RYR2: variants seen among roughly 807,000 people sequenced by gnomAD.
RYR2 encodes ryanodine receptor 2.
Under a neutral mutation model 601.1 loss-of-function variants are expected in RYR2, and 227 were observed. The ratio of observed to expected loss-of-function variants is 0.38; its 90% CI spans 0.34 to 0.42. The LOEUF (loss-of-function observed/expected upper bound fraction) is 0.42, where lower values mean the gene tolerates loss of function less well. RYR2 is among the 10% of genes least tolerant of loss of function. The pLI is 1.00. For synonymous variants in RYR2, 2,223 were observed against 2,175.1 expected (o/e 1.02, Z -0.61); for missense variants, 4,646 against 6,156.5 (o/e 0.75, Z 8.21).
intron 1 of RYR2, among the ~76,000 whole-genome samples, chr1:237,250,405 C>T (rs1687328441): frequency 6.6e-6 from 1 of 152,140 alleles, no homozygotes; most frequent in Non-Finnish European, 1.5e-5. Context: ...CTCAGCCATT[C>T]TTCTTCTTCC....
intron 1 of RYR2, among the ~76,000 whole-genome samples, chr1:237,075,431 A>C: frequency 7.0e-6 from 1 of 141,884 alleles, no homozygotes; most frequent in East Asian, 2.2e-4. Flanking sequence ...ACCGTGCGCG[A>C]GCCGAAGCAG....
chr1:237,814,683 A>G (rs1661601781), intron 100 of RYR2, among the ~76,000 whole-genome samples: 1 of 152,098 alleles, frequency 6.6e-6, no homozygotes, highest in Non-Finnish European at 1.5e-5. Context: ...GTAAAGTCCA[A>G]GGTAGAAAGA....
At chr1:237,188,271 A>C (rs1264792755) in intron 1 of RYR2, among the ~76,000 whole-genome samples, 1 of 146,916 alleles carries the variant, frequency 6.8e-6, no homozygotes, top group Non-Finnish European at 1.5e-5. Context: ...TTTTTCACCT[A>C]TTCATTCTTG....
At chr1:237,826,570 C>A (rs1238652985) in intron 101 of RYR2, among the ~76,000 whole-genome samples, 1 of 152,062 alleles carries the variant, frequency 6.6e-6, no homozygotes, top group African/African-American at 2.4e-5. Flanking sequence ...ACAGCAAAAA[C>A]CACCATAGCA....
intron 1 of RYR2, among the ~76,000 whole-genome samples, chr1:237,210,579 C>T (rs576995261): frequency 6.6e-6 from 1 of 152,262 alleles, no homozygotes; most frequent in Non-Finnish European, 1.5e-5. Flanking sequence ...TCTGTCTCTG[C>T]CATTCCATTA....
intron 12 of RYR2, among the ~76,000 whole-genome samples, chr1:237,438,018 A>T (rs1371125919): frequency 1.8e-5 from 2 of 110,268 alleles, no homozygotes; most frequent in African/African-American, 3.0e-5. Flanking sequence ...TTTTAATGGC[A>T]ATCTGATCTA....
rs1685174300 is a variant in RYR2, at chr1:237,673,979, C to G, written c.8591-117C>G. 8.3e-6 allele frequency: 6 copies of G among 723,994 alleles called. No homozygotes were observed. The East Asian group carries it at 1.3e-4, about 15-fold the overall frequency. 44.8% of individuals were successfully genotyped at this position (723,994 alleles called of 1,614,324 possible). Reference sequence around the variant, plus strand: ...TAGAGGCAGAAGAGTCTTATATGCTCTATGTATTATTAAAGGATATGGAAA... The same window carrying G: ...TAGAGGCAGAAGAGTCTTATATGCTGTATGTATTATTAAAGGATATGGAAA... On this transcript the variant is annotated intron_variant, in intron 58 of 104. Coordinates refer to ENST00000366574, the MANE Select transcript of RYR2 (RefSeq NM_001035.3).
rs12062190 is a variant in RYR2, at chr1:237,223,996, A to G, written c.49-46501A>G. Among the ~76,000 whole-genome samples the G allele has an allele frequency of 1.8e-3, 281 of 152,296 alleles. 2 individuals are homozygous for G. The highest frequency in any genetic ancestry group is 6.5e-3 in the African/African-American group (270 of 41,558). ...TTCTTAGGGTTCTACTGTAGATGTG[A>G]ATTTAGAGAATGGAATCTAACTCAT... On this transcript the variant is annotated intron_variant, in intron 1 of 104. Transcript: ENST00000366574.
chr1:237,045,726 A>G (rs933687037), intron 1 of RYR2, among the ~76,000 whole-genome samples: 1 of 151,342 alleles, frequency 6.6e-6, no homozygotes, highest in Non-Finnish European at 1.5e-5. Context: ...ATGTAGCATC[A>G]AACTGTCATT....
rs2148550867 is a variant in RYR2 at position 237,106,301 on chromosome 1, C to T, written c.48+63732C>T. ...GCACCAGCTCCCGCTGGGCTGCAGACAGGCTCTGATGTGGCTTGCAGCACG... is the reference window on the plus strand; with the variant it reads ...GCACCAGCTCCCGCTGGGCTGCAGATAGGCTCTGATGTGGCTTGCAGCACG... On this transcript the variant is annotated intron_variant, in intron 1 of 104. Coordinates refer to ENST00000366574, the MANE Select transcript of RYR2 (RefSeq NM_001035.3). The surrounding 1 kb of genome is among the most constrained non-coding windows in gnomAD (Gnocchi z 4.4). 6.6e-6 allele frequency among the ~76,000 whole-genome samples: 1 copy of T among 152,326 alleles called. No homozygotes were observed. The highest frequency in any genetic ancestry group is 2.4e-5 in the African/African-American group (1 of 41,564).
At position 237,593,592 on chromosome 1, in the gene RYR2, A is replaced by G. The variant is rs1212639011; in HGVS notation, c.4392A>G (p.Thr1464=). Residue 1464 remains threonine (T), a synonymous_variant, in exon 33 of 105, where the codon ACA becomes ACG. Coordinates refer to ENST00000366574, the MANE Select transcript of RYR2 (RefSeq NM_001035.3). ...DTGFDLDRVR[T]VTVTLGDEKG... Reference sequence around the variant, plus strand: ...GCTTTGACTTGGACAGAGTTCGCACAGTAACAGTTACTCTAGGAGATGAAA... The same window carrying G: ...GCTTTGACTTGGACAGAGTTCGCACGGTAACAGTTACTCTAGGAGATGAAA... 1.2e-6 allele frequency: 2 copies of G among 1,613,962 alleles called. No individual in the cohort carries two copies. Among genetic ancestry groups the G allele is most frequent in the Non-Finnish European group, 8.5e-7 (1 of 1,179,856 alleles).
At position 237,111,069 on chromosome 1, in the gene RYR2, G is replaced by A. The variant is rs981507599; in HGVS notation, c.48+68500G>A. Among the ~76,000 whole-genome samples, 4 of 152,132 alleles carry A rather than the reference G, an allele frequency of 2.6e-5. No homozygotes were observed. In the East Asian group the frequency reaches 5.8e-4, roughly 22 times the overall value. ...CAACATCCTTCTGAAGAGCAATTGG[G>A]TCCTTTGTGAGGATGCTTCGAGGTT... On this transcript the variant is annotated intron_variant, in intron 1 of 104. Coordinates refer to ENST00000366574, the MANE Select transcript of RYR2 (RefSeq NM_001035.3).
At chr1:237,749,544 G>A (rs1448716050) in intron 80 of RYR2, among the ~76,000 whole-genome samples, 3 of 152,088 alleles carry the variant, frequency 2.0e-5, no homozygotes, top group Non-Finnish European at 2.9e-5. Flanking sequence ...ACACAACACA[G>A]GAGACCTGGA....
intron 1 of RYR2, among the ~76,000 whole-genome samples, chr1:237,081,280 T>TTAAAAAA (rs1553284184): frequency 5.3e-5 from 3 of 56,234 alleles, no homozygotes; most frequent in Admixed American, 1.9e-4. Flanking sequence ...TAGAGTATAA[T>TTAAAAAA]AAAAAAAAAA....
At chr1:237,493,773 A>G (rs1332907972) in intron 19 of RYR2, among the ~76,000 whole-genome samples, 1 of 152,196 alleles carries the variant, frequency 6.6e-6, no homozygotes, top group African/African-American at 2.4e-5. Flanking sequence ...ATTTTGAGGT[A>G]CCTGCTATGT....
intron 5 of RYR2, among the ~76,000 whole-genome samples, chr1:237,366,993 C>T (rs1472112801): frequency 2.0e-5 from 3 of 152,194 alleles, no homozygotes; most frequent in Non-Finnish European, 4.4e-5. Flanking sequence ...TCTCTAAAGA[C>T]AGCCTCATTC....
At chr1:237,283,348 C>T (rs1691107350) in intron 2 of RYR2, among the ~76,000 whole-genome samples, 1 of 152,118 alleles carries the variant, frequency 6.6e-6, no homozygotes, top group Non-Finnish European at 1.5e-5. Context: ...TCCCACGCTC[C>T]TCTCTTTCAA....
chr1:237,527,465 C>A (rs928082470), intron 24 of RYR2, among the ~76,000 whole-genome samples: 1 of 152,082 alleles, frequency 6.6e-6, no homozygotes. Flanking sequence ...TATAGTGCAC[C>A]CCAAACTTAC....
At chr1:237,410,165 T>G (rs1704299221) in intron 10 of RYR2, among the ~76,000 whole-genome samples, 1 of 152,214 alleles carries the variant, frequency 6.6e-6, no homozygotes, top group Non-Finnish European at 1.5e-5. Context: ...CTATTCAGCA[T>G]TACTGCACTA....
Sources: allele counts gnomAD v4.1 joint callset (sites outside exome capture counted in the v4.1 genomes callset), GRCh38; gene constraint gnomAD v4.1.1; non-coding constraint Gnocchi (gnomAD v3.1); transcripts MANE v1.5; gene names NCBI Gene and HGNC (gene_info 2026-07-23, HGNC 2026-07-21).